MTCH2: variants seen among roughly 807,000 people sequenced by gnomAD.
MTCH2 encodes mitochondrial carrier 2, also known as mitochondrial carrier homolog 2.
A neutral mutation model predicts 50.6 loss-of-function variants in MTCH2; 25 were observed. The ratio of observed to expected loss-of-function variants is 0.49; its 90% CI spans 0.36 to 0.69. The LOEUF is 0.69. MTCH2 is among the 30% of genes least tolerant of loss of function. MTCH2 has a pLI of 0.00. For synonymous variants in MTCH2, 106 were observed against 132.0 expected, an observed-to-expected ratio of 0.80 and a Z score of 1.35; for missense variants, 273 against 384.4, an observed-to-expected ratio of 0.71 and a Z score of 2.42.
intron 1 of MTCH2, among the ~76,000 whole-genome samples, chr11:47,640,989 CG>C (rs1377082504): frequency 6.6e-6 from 1 of 151,940 alleles, no homozygotes; most frequent in Non-Finnish European, 1.5e-5. Context: ...CTTCACCTCC[CG>C]GGTTCAAGCG....
At chr11:47,616,830 T>C (rs1362212376), downstream of MTCH2, among the ~76,000 whole-genome samples, 1 of 151,726 alleles carries the variant, frequency 6.6e-6, no homozygotes, top group Non-Finnish European at 1.5e-5. Context: ...ATTACAGGCA[T>C]GTGCCACCAT....
At chr11:47,631,986 A>C (rs1173039416) in intron 5 of MTCH2, among the ~76,000 whole-genome samples, 1 of 152,162 alleles carries the variant, frequency 6.6e-6, no homozygotes, top group African/African-American at 2.4e-5. Flanking sequence ...TCAATTTTAC[A>C]GGTAAGAGAA....
intron 5 of MTCH2, 27 bp downstream of exon 5, chr11:47,634,645 C>G: frequency 6.4e-7 from 1 of 1,572,214 alleles, no homozygotes; most frequent in Non-Finnish European, 8.7e-7. Flanking sequence ...TCTGGGCAAA[C>G]AGCACAGGAT....
intron 12 of MTCH2, among the ~76,000 whole-genome samples, chr11:47,621,931 G>A (rs2097293688): frequency 6.6e-6 from 1 of 151,926 alleles, no homozygotes; most frequent in Non-Finnish European, 1.5e-5. Flanking sequence ...GTGCGGTGAT[G>A]CAATCTTGGC....
At chr11:47,634,868 G>A (rs182522402) in intron 4 of MTCH2, 134 bp from the exon 5 acceptor site, 22 of 534,474 alleles carry the variant, frequency 4.1e-5, no homozygotes, top group African/African-American at 3.7e-4. Flanking sequence ...CACCGCCTGG[G>A]TACAAGTGCT....
chr11:47,625,404 C>A (rs2097297057), intron 11 of MTCH2, among the ~76,000 whole-genome samples: 1 of 132,710 alleles, frequency 7.5e-6, no homozygotes, highest in South Asian at 2.4e-4. Flanking sequence ...GCCTGGGCAA[C>A]ATAGCAAGAC....
At chr11:47,611,265 G>A in the MTCH2 span, among the ~76,000 whole-genome samples, 1 of 152,228 alleles carries the variant, frequency 6.6e-6, no homozygotes, top group African/African-American at 2.4e-5. Context: ...CCCCTCAGGG[G>A]GAGGAAAGGC....
intron 3 of MTCH2, among the ~76,000 whole-genome samples, chr11:47,636,224 A>G (rs1290707991): frequency 6.6e-6 from 1 of 152,116 alleles, no homozygotes; most frequent in Non-Finnish European, 1.5e-5. Flanking sequence ...ACCTGAGGTT[A>G]GGAATTTGAG....
In MTCH2 at chr11:47,630,579, T is replaced by C. The variant is rs1219558385; in HGVS notation, c.515A>G (p.Glu172Gly). The C allele has an allele frequency of 6.2e-7, 1 of 1,612,996 alleles. No individual in the cohort carries two copies. Among genetic ancestry groups the C allele is most frequent in the East Asian group, 2.2e-5 (1 of 44,870 alleles). The change falls in exon 8 of 13, where the codon GAA becomes GGA. Residue 172 changes from glutamate to glycine, a missense_variant. Glu to Gly is a moderately conservative substitution (Grantham distance 98). This residue lies in a region of MTCH2 where 203 missense variants were observed against 244.3 expected (regional missense o/e 0.83). Transcript: ENST00000302503. ...CGCGAAAAATCCTAGAATGCCCTCT[T>C]CCCGATAGATGGTTATTATGGAATC... ...LCDSIITIYR[E>G]EGILGFFAGL...
the MTCH2 span, among the ~76,000 whole-genome samples, chr11:47,605,039 T>TC: frequency 6.6e-6 from 1 of 152,270 alleles, no homozygotes; most frequent in Non-Finnish European, 1.5e-5. Context: ...CACGCCATTC[T>TC]CCTGCCTCAG....
intron 11 of MTCH2, among the ~76,000 whole-genome samples, chr11:47,623,256 C>T (rs531472758): frequency 2.6e-5 from 4 of 151,944 alleles, no homozygotes; most frequent in South Asian, 2.1e-4. Context: ...CCTGTAATCC[C>T]GGCTACTTGG....
the MTCH2 span, among the ~76,000 whole-genome samples, chr11:47,605,964 CTAGAA>C: frequency 1.3e-5 from 2 of 152,134 alleles, no homozygotes; most frequent in Non-Finnish European, 2.9e-5. Context: ...ATGTTATATT[CTAGAA>C]TAGATTTTGA....
intron 8 of MTCH2, among the ~76,000 whole-genome samples, chr11:47,629,762 A>C (rs186905611): frequency 4.6e-5 from 7 of 152,044 alleles, no homozygotes; most frequent in Admixed American, 2.0e-4. Flanking sequence ...AAAAAAAAAA[A>C]AACAAAAAAC....
At chr11:47,622,138 A>G (rs1277465021) in intron 12 of MTCH2, among the ~76,000 whole-genome samples, 1 of 152,188 alleles carries the variant, frequency 6.6e-6, no homozygotes, top group Non-Finnish European at 1.5e-5. Flanking sequence ...TGCTAGAATT[A>G]TAAGCGTGAG....
chr11:47,609,188 C>G, the MTCH2 span, among the ~76,000 whole-genome samples: 3 of 149,250 alleles, frequency 2.0e-5, no homozygotes, highest in African/African-American at 7.4e-5. Context: ...GGCGCGGTGG[C>G]TCACGCTTAT....
chr11:47,631,176 A>C, intron 6 of MTCH2, 89 bp from the exon 7 acceptor site: 1 of 1,030,588 alleles, frequency 9.7e-7, no homozygotes, highest in Non-Finnish European at 1.5e-6. Flanking sequence ...TGAGAGGCCG[A>C]GGTGGGCGGA....
At chr11:47,619,534 C>T (rs2097291291) in intron 12 of MTCH2, among the ~76,000 whole-genome samples, 1 of 152,064 alleles carries the variant, frequency 6.6e-6, no homozygotes, top group Non-Finnish European at 1.5e-5. Context: ...CATACCCGGC[C>T]TATTTATTTC....
At chr11:47,627,721 G>A (rs2097299377) in intron 9 of MTCH2, among the ~76,000 whole-genome samples, 3 of 151,558 alleles carry the variant, frequency 2.0e-5, no homozygotes, top group African/African-American at 7.3e-5. Flanking sequence ...GACCTCCTGG[G>A]CTCAAGTGAC....
the MTCH2 span, among the ~76,000 whole-genome samples, chr11:47,610,607 A>C: frequency 1.3e-5 from 2 of 152,152 alleles, no homozygotes; most frequent in Non-Finnish European, 2.9e-5. Context: ...CAGGAGGCTG[A>C]GGCATGAGAA....
Sources: allele counts gnomAD v4.1 joint callset (sites outside exome capture counted in the v4.1 genomes callset), GRCh38; gene constraint gnomAD v4.1.1; regional missense constraint gnomAD v4.1.1; transcripts MANE v1.5; gene names NCBI Gene and HGNC (gene_info 2026-07-23, HGNC 2026-07-21).